The following SLC24A3 variants were observed in gnomAD, a reference collection of about 807,000 sequenced individuals.
The protein encoded by SLC24A3 is sodium/potassium/calcium exchanger 3.
A neutral mutation model predicts 75.8 loss-of-function variants in SLC24A3; 28 were observed. The ratio of observed to expected loss-of-function variants is 0.37; its 90% CI spans 0.27 to 0.51. SLC24A3 has a LOEUF of 0.51. Ranked by LOEUF, SLC24A3 falls within the 20% of genes least tolerant of loss-of-function variation. The pLI is 0.94. For missense variants in SLC24A3, 663 were observed against 847.8 expected, an observed-to-expected ratio of 0.78 and a Z score of 2.71; for synonymous variants, 372 against 334.1, an observed-to-expected ratio of 1.11 and a Z score of -1.24.
intron 1 of SLC24A3, among the ~76,000 whole-genome samples, chr20:19,279,630 C>T (rs548771818): frequency 5.1e-4 from 78 of 152,308 alleles, no homozygotes; most frequent in Non-Finnish European, 9.4e-4. Context: ...TTGTGTTCTT[C>T]CATTCCTTCT....
At chr20:19,316,362 A>T (rs1008568628) in intron 2 of SLC24A3, among the ~76,000 whole-genome samples, 7 of 152,212 alleles carry the variant, frequency 4.6e-5, no homozygotes, top group African/African-American at 1.4e-4. Flanking sequence ...CAGGGTTTAC[A>T]TAAAAGGCCA....
At chr20:19,420,028 T>C (rs1162399750) in intron 2 of SLC24A3, among the ~76,000 whole-genome samples, 1 of 91,614 alleles carries the variant, frequency 1.1e-5, no homozygotes, top group Non-Finnish European at 2.1e-5. Context: ...CCTTCCTGTG[T>C]CCATGTGATC....
chr20:19,460,137 G>A (rs1462406607), intron 2 of SLC24A3, among the ~76,000 whole-genome samples: 1 of 152,184 alleles, frequency 6.6e-6, no homozygotes, highest in East Asian at 1.9e-4. Context: ...GCTGCTCTTA[G>A]GGAGGTTTGC....
intron 2 of SLC24A3, among the ~76,000 whole-genome samples, chr20:19,403,742 C>T (rs1372937789): frequency 6.6e-6 from 1 of 151,986 alleles, no homozygotes; most frequent in African/African-American, 2.4e-5. Flanking sequence ...GAACAGCATG[C>T]GGACTGGCCC....
chr20:19,570,000 C>T (rs2031026849), intron 3 of SLC24A3, among the ~76,000 whole-genome samples: 1 of 152,194 alleles, frequency 6.6e-6, no homozygotes, highest in Non-Finnish European at 1.5e-5. Flanking sequence ...GACCTCCCCA[C>T]TATTCTGGAT....
At chr20:19,556,508 T>G (rs2030786078) in intron 3 of SLC24A3, among the ~76,000 whole-genome samples, 1 of 150,618 alleles carries the variant, frequency 6.6e-6, no homozygotes, top group Non-Finnish European at 1.5e-5. Context: ...TAAATAATTA[T>G]GCTGAATTGA....
chr20:19,498,040 G>A (rs1988322593), intron 2 of SLC24A3, among the ~76,000 whole-genome samples: 1 of 152,074 alleles, frequency 6.6e-6, no homozygotes, highest in African/African-American at 2.4e-5. Flanking sequence ...ATCAGTGGTG[G>A]CATTAGATTC....
At chr20:19,503,262 A>C (rs575784400) in intron 2 of SLC24A3, among the ~76,000 whole-genome samples, 6 of 152,288 alleles carry the variant, frequency 3.9e-5, no homozygotes, top group Non-Finnish European at 8.8e-5. Context: ...TTTCATTCAG[A>C]GCTATAGTGT....
intron 1 of SLC24A3, among the ~76,000 whole-genome samples, chr20:19,230,666 G>A (rs903790749): frequency 7.5e-6 from 1 of 133,966 alleles, no homozygotes; most frequent in East Asian, 2.4e-4. Flanking sequence ...ATTGATGGGG[G>A]GGGTGCCCTT....
intron 2 of SLC24A3, among the ~76,000 whole-genome samples, chr20:19,487,706 C>G (rs1988148896): frequency 6.6e-6 from 1 of 152,114 alleles, no homozygotes; most frequent in South Asian, 2.1e-4. Flanking sequence ...TCACTGTGAG[C>G]TGAGGTGAAG....
chr20:19,245,162 C>G (rs942703535), intron 1 of SLC24A3, among the ~76,000 whole-genome samples: 1 of 152,086 alleles, frequency 6.6e-6, no homozygotes, highest in African/African-American at 2.4e-5. Flanking sequence ...TAAAAAATAT[C>G]TTATCGTGGA....
At chr20:19,390,106 T>C (rs990188997) in intron 2 of SLC24A3, among the ~76,000 whole-genome samples, 1 of 152,232 alleles carries the variant, frequency 6.6e-6, no homozygotes, top group Non-Finnish European at 1.5e-5. Flanking sequence ...CTTACCATTT[T>C]GGTTTTTTGT....
At chr20:19,283,984 T>C (rs1209463397) in intron 2 of SLC24A3, among the ~76,000 whole-genome samples, 1 of 152,200 alleles carries the variant, frequency 6.6e-6, no homozygotes, top group Non-Finnish European at 1.5e-5. Flanking sequence ...GACCGTCATC[T>C]AGACAGGAGG....
chr20:19,599,243 A>C (rs1396055173), intron 6 of SLC24A3, among the ~76,000 whole-genome samples: 8 of 152,236 alleles, frequency 5.3e-5, no homozygotes, highest in African/African-American at 1.9e-4. Flanking sequence ...CACATGAGTC[A>C]GTGGAGCAAA....
chr20:19,344,094 A>G (rs76963112), intron 2 of SLC24A3, among the ~76,000 whole-genome samples: 14,489 of 152,224 alleles, frequency 0.095, 1,799 homozygotes, highest in African/African-American at 0.29. Context: ...GCAGATGAGT[A>G]TCTGTGAACA....
intron 1 of SLC24A3, among the ~76,000 whole-genome samples, chr20:19,264,865 C>T (rs1178234931): frequency 6.6e-6 from 1 of 152,276 alleles, no homozygotes; most frequent in African/African-American, 2.4e-5. Context: ...GAAGCATTCT[C>T]AATGCATGTC....
intron 2 of SLC24A3, among the ~76,000 whole-genome samples, chr20:19,443,879 G>A (rs1168386204): frequency 2.6e-5 from 4 of 152,090 alleles, no homozygotes; most frequent in Non-Finnish European, 5.9e-5. Flanking sequence ...CTTTTCTCTA[G>A]CCATGGATAA....
intron 7 of SLC24A3, among the ~76,000 whole-genome samples, chr20:19,657,090 C>T (rs903301917): frequency 3.9e-5 from 6 of 152,184 alleles, no homozygotes; most frequent in Admixed American, 6.5e-5. Context: ...TTCATTCAGA[C>T]AGCAACAAAC....
At chr20:19,458,865 A>T (rs1987622497) in intron 2 of SLC24A3, among the ~76,000 whole-genome samples, 1 of 152,206 alleles carries the variant, frequency 6.6e-6, no homozygotes, top group Non-Finnish European at 1.5e-5. Flanking sequence ...AGAAAAAGTG[A>T]TTTTTTACTG....
Sources: allele counts gnomAD v4.1 joint callset (sites outside exome capture counted in the v4.1 genomes callset), GRCh38; gene constraint gnomAD v4.1.1; transcripts MANE v1.5; gene names NCBI Gene and HGNC (gene_info 2026-07-23, HGNC 2026-07-21).